TTLL5: variants seen among roughly 807,000 people sequenced by gnomAD.
TTLL5 encodes the protein tubulin tyrosine ligase like 5.
TTLL5 carries 132 observed loss-of-function variants against 168.4 expected under a neutral mutation model. The observed-to-expected ratio is 0.78, with a 90% confidence interval of 0.68 to 0.91. The LOEUF (loss-of-function observed/expected upper bound fraction) is 0.91, where lower values mean the gene tolerates loss of function less well. Among genes scored for constraint, TTLL5 ranks in the 40% least tolerant of loss-of-function variants. The pLI, the probability that TTLL5 is intolerant of heterozygous loss-of-function variation, is 0.00. For synonymous variants in TTLL5, 546 were observed against 558.6 expected (o/e 0.98, Z 0.32); for missense variants, 1,545 against 1,581.5 (o/e 0.98, Z 0.39).
chr14:75,812,331 G>A (rs535678070), intron 27 of TTLL5, among the ~76,000 whole-genome samples: 4 of 152,188 alleles, frequency 2.6e-5, no homozygotes, highest in Non-Finnish European at 5.9e-5. Context: ...TTTCCCACAG[G>A]CAGTTACTCA....
At chr14:75,829,539 A>G (rs1895440363) in intron 28 of TTLL5, among the ~76,000 whole-genome samples, 1 of 152,092 alleles carries the variant, frequency 6.6e-6, no homozygotes, top group Admixed American at 6.5e-5. Flanking sequence ...CAGGTTGAGT[A>G]ATACTGTCCT....
At chr14:75,785,458 C>T (rs1437443889) in intron 26 of TTLL5, among the ~76,000 whole-genome samples, 4 of 152,140 alleles carry the variant, frequency 2.6e-5, no homozygotes, top group South Asian at 4.1e-4. Flanking sequence ...GGATTACAGG[C>T]GTGAGCCACT....
chr14:75,844,455 G>T (rs1896434012), intron 28 of TTLL5, among the ~76,000 whole-genome samples: 1 of 152,132 alleles, frequency 6.6e-6, no homozygotes, highest in Middle Eastern at 3.2e-3. Context: ...TTTAGCAGGG[G>T]CTATTTTAAG....
intron 3 of TTLL5, among the ~76,000 whole-genome samples, chr14:75,676,257 G>T (rs1477594567): frequency 6.6e-6 from 1 of 152,144 alleles, no homozygotes; most frequent in Non-Finnish European, 1.5e-5. Context: ...TGGGCATCCT[G>T]TGGCCCAGTC....
At chr14:75,700,558 A>G (rs867553511) in intron 7 of TTLL5, among the ~76,000 whole-genome samples, 1 of 152,268 alleles carries the variant, frequency 6.6e-6, no homozygotes, top group South Asian at 2.1e-4. Context: ...CCCCATGGAA[A>G]AATCAAGGGA....
chr14:75,740,408 G>A (rs1324623936), intron 15 of TTLL5, among the ~76,000 whole-genome samples: 1 of 152,054 alleles, frequency 6.6e-6, no homozygotes, highest in Admixed American at 6.5e-5. Context: ...CATTTTTGAA[G>A]ATTAGTACCT....
chr14:75,814,847 A>G (rs1894294917), intron 27 of TTLL5, among the ~76,000 whole-genome samples: 2 of 152,218 alleles, frequency 1.3e-5, no homozygotes, highest in African/African-American at 4.8e-5. Context: ...TAAATTATAT[A>G]AAGTTTAAAA....
intron 28 of TTLL5, among the ~76,000 whole-genome samples, chr14:75,829,049 A>G (rs530307444): frequency 3.3e-5 from 5 of 152,260 alleles, no homozygotes; most frequent in East Asian, 1.9e-4. Flanking sequence ...TGCAAGTACT[A>G]TAAAGCAATA....
intron 29 of TTLL5, among the ~76,000 whole-genome samples, chr14:75,875,318 C>T (rs2031396380): frequency 6.7e-6 from 1 of 149,100 alleles, no homozygotes; most frequent in Non-Finnish European, 1.5e-5. Context: ...CTGAGGCAGA[C>T]AGATCACGAG....
intron 18 of TTLL5, among the ~76,000 whole-genome samples, chr14:75,755,785 T>C (rs1890220652): frequency 6.6e-6 from 1 of 152,172 alleles, no homozygotes; most frequent in Non-Finnish European, 1.5e-5. Context: ...TTCTTGCAGA[T>C]CCAATTAATT....
At chr14:75,850,686 C>T (rs915279649) in intron 28 of TTLL5, among the ~76,000 whole-genome samples, 6 of 151,948 alleles carry the variant, frequency 3.9e-5, no homozygotes, top group African/African-American at 9.7e-5. Context: ...GTGATTTAAA[C>T]GGGCTAGAAT....
intron 5 of TTLL5, among the ~76,000 whole-genome samples, chr14:75,688,223 G>T (rs1885208779): frequency 6.6e-6 from 1 of 152,106 alleles, no homozygotes; most frequent in Non-Finnish European, 1.5e-5. Flanking sequence ...CCACCCCTCA[G>T]CCTCCAGGAA....
chr14:75,749,865 G>T (rs1255156956), intron 17 of TTLL5, among the ~76,000 whole-genome samples: 1 of 151,930 alleles, frequency 6.6e-6, no homozygotes, highest in Admixed American at 6.6e-5. Context: ...TAAATATTAG[G>T]TGGGCTCCCT....
intron 17 of TTLL5, among the ~76,000 whole-genome samples, chr14:75,749,837 G>T (rs1228029682): frequency 6.6e-6 from 1 of 151,978 alleles, no homozygotes; most frequent in Admixed American, 6.6e-5. Context: ...ATTATGCTTG[G>T]TTCTTTGGTG....
chr14:75,835,196 A>T lies in TTLL5; in HGVS notation c.3326+15035A>T, dbSNP rs577160677. 2.6e-5 allele frequency among the ~76,000 whole-genome samples: 4 copies of T among 152,328 alleles called. No individual in the cohort carries two copies. In the East Asian group the frequency reaches 7.7e-4, roughly 29 times the overall value. ...GTCATTCTTCATGTCTTTGCAACAC[A>T]CTTCCACATACAAGAACTTTGATCA... On this transcript the variant is annotated intron_variant, in intron 28 of 31. Coordinates refer to ENST00000298832, the MANE Select transcript of TTLL5 (RefSeq NM_015072.5).
At chr14:75,944,184 T>C (rs2034698340) in intron 31 of TTLL5, among the ~76,000 whole-genome samples, 1 of 152,218 alleles carries the variant, frequency 6.6e-6, no homozygotes. Flanking sequence ...GGCAGACCTG[T>C]ACAGATACAG....
intron 29 of TTLL5, among the ~76,000 whole-genome samples, chr14:75,878,638 C>T (rs2031632765): frequency 6.6e-6 from 1 of 152,106 alleles, no homozygotes; most frequent in African/African-American, 2.4e-5. Context: ...CAAACAAAGT[C>T]AGAGTAGTAA....
At chr14:75,691,955 G>A (rs1885496231) in intron 6 of TTLL5, among the ~76,000 whole-genome samples, 1 of 152,174 alleles carries the variant, frequency 6.6e-6, no homozygotes, top group Non-Finnish European at 1.5e-5. Context: ...TCTATCTGGG[G>A]CCATTGGTTG....
At chr14:75,914,813 C>T (rs577944822) in intron 31 of TTLL5, among the ~76,000 whole-genome samples, 87 of 152,166 alleles carry the variant, frequency 5.7e-4, no homozygotes, top group Admixed American at 3.7e-3. Context: ...TCAGTAGAGA[C>T]GGAGCTTCAC....
Sources: allele counts gnomAD v4.1 joint callset (sites outside exome capture counted in the v4.1 genomes callset), GRCh38; gene constraint gnomAD v4.1.1; transcripts MANE v1.5; gene names NCBI Gene and HGNC (gene_info 2026-07-23, HGNC 2026-07-21).